CNKSR2: variants seen among roughly 807,000 people sequenced by gnomAD.
The protein encoded by CNKSR2 is CNK homolog protein 2.
In CNKSR2, 14 loss-of-function variants were observed where a neutral mutation model predicts 84.4. That is an observed-to-expected ratio of 0.17 (90% CI 0.11 to 0.26). CNKSR2 has a LOEUF of 0.26. Among genes scored for constraint, CNKSR2 ranks in the 10% least tolerant of loss-of-function variants. The pLI, the probability that CNKSR2 is intolerant of heterozygous loss-of-function variation, is 1.00. For missense variants in CNKSR2, 485 were observed against 771.2 expected, an observed-to-expected ratio of 0.63 and a Z score of 4.40; for synonymous variants, 275 against 277.9, an observed-to-expected ratio of 0.99 and a Z score of 0.10.
chrX:21,495,528 A>G (rs1268161451), intron 6 of CNKSR2: 2 of 109,519 alleles, frequency 1.8e-5, no homozygotes, highest in African/African-American at 3.3e-5. Context: ...TTATGTCTAT[A>G]ATCCCAGCAG....
intron 1 of CNKSR2, among the ~76,000 whole-genome samples, chrX:21,416,769 A>C (rs1159405594): frequency 9.0e-6 from 1 of 111,609 alleles, no homozygotes; most frequent in Non-Finnish European, 1.9e-5. Flanking sequence ...CTGCAGTATC[A>C]AGTGTAATGT....
chrX:21,481,674 A>C (rs200797720), intron 5 of CNKSR2, among the ~76,000 whole-genome samples: 2 of 111,871 alleles, frequency 1.8e-5, no homozygotes, highest in East Asian at 5.6e-4. Context: ...GCCTGACCTT[A>C]TCATGTGAGC....
intron 20 of CNKSR2, among the ~76,000 whole-genome samples, chrX:21,615,831 AC>A (rs1281362073): frequency 1.8e-5 from 2 of 111,441 alleles, no homozygotes; most frequent in Non-Finnish European, 3.8e-5. Context: ...GTTGAACCAT[AC>A]GAAATGTTGC....
At chrX:21,407,376 A>G in intron 1 of CNKSR2, among the ~76,000 whole-genome samples, 1 of 111,772 alleles carries the variant, frequency 8.9e-6, no homozygotes, top group Non-Finnish European at 1.9e-5. Flanking sequence ...AACCTTTGGT[A>G]GTTAAGACAG....
At chrX:21,431,690 C>G (rs2090635815) in intron 2 of CNKSR2, among the ~76,000 whole-genome samples, 1 of 111,831 alleles carries the variant, frequency 8.9e-6, no homozygotes, top group South Asian at 3.7e-4. Context: ...CAATTAGCTG[C>G]TTTACATTTT....
chrX:21,470,995 GA>G, intron 5 of CNKSR2, 188 bp downstream of exon 5: 1 of 201,613 alleles, frequency 5.0e-6, no homozygotes, highest in Non-Finnish European at 9.5e-6. Flanking sequence ...CCTAATAGGA[GA>G]AAAAAGGTAT....
chrX:21,532,436 T>G (rs2147124612), intron 11 of CNKSR2, among the ~76,000 whole-genome samples: 1 of 111,150 alleles, frequency 9.0e-6, no homozygotes, highest in African/African-American at 3.2e-5. Flanking sequence ...ATGACTTATT[T>G]AAAATAAAAT....
chrX:21,429,299 T>C (rs2090604788), intron 2 of CNKSR2: 1 of 112,030 alleles, frequency 8.9e-6, no homozygotes, highest in Non-Finnish European at 1.9e-5. Context: ...GTACATTTCA[T>C]GTATAAGTTT....
intron 18 of CNKSR2, among the ~76,000 whole-genome samples, chrX:21,602,365 T>G (rs1057354722): frequency 2.7e-5 from 3 of 111,624 alleles, no homozygotes; most frequent in Non-Finnish European, 5.6e-5. Context: ...TTTGCCATGT[T>G]GCCCATGCTG....
At chrX:21,378,976 A>G (rs1270854996) in intron 1 of CNKSR2, among the ~76,000 whole-genome samples, 1 of 112,088 alleles carries the variant, frequency 8.9e-6, no homozygotes, top group East Asian at 2.8e-4. Context: ...TCATTTCTTC[A>G]AGAGGCATTC....
At chrX:21,417,196 G>C (rs2090434698) in intron 1 of CNKSR2, among the ~76,000 whole-genome samples, 1 of 111,596 alleles carries the variant, frequency 9.0e-6, no homozygotes, top group South Asian at 3.7e-4. Context: ...GAAATGTATT[G>C]TTCAATTTTC....
At chrX:21,488,707 A>C (rs969559892) in intron 5 of CNKSR2, among the ~76,000 whole-genome samples, 1 of 111,904 alleles carries the variant, frequency 8.9e-6, no homozygotes, top group Non-Finnish European at 1.9e-5. Context: ...GAGAGTTCTT[A>C]TTATCTTGAC....
At chrX:21,544,854 G>T (rs1022206336) in intron 11 of CNKSR2, among the ~76,000 whole-genome samples, 2 of 111,293 alleles carry the variant, frequency 1.8e-5, no homozygotes, top group African/African-American at 6.5e-5. Flanking sequence ...GGTGCATTCC[G>T]GCCCAGATAC....
intron 1 of CNKSR2, among the ~76,000 whole-genome samples, chrX:21,377,904 T>C (rs1267889297): frequency 8.9e-6 from 1 of 111,827 alleles, no homozygotes; most frequent in Non-Finnish European, 1.9e-5. Flanking sequence ...TGATGCAATG[T>C]ATAAATGGAT....
At chrX:21,466,260 G>A (rs2091126337) in intron 4 of CNKSR2, among the ~76,000 whole-genome samples, 1 of 111,179 alleles carries the variant, frequency 9.0e-6, no homozygotes, top group African/African-American at 3.3e-5. Context: ...AGCATGAATA[G>A]GTTTGTAAAG....
Position 21,394,813 on chromosome X carries a change from G to T in CNKSR2, c.64+19852G>T, listed in dbSNP as rs754051324. Among the ~76,000 whole-genome samples the T allele has an allele frequency of 9.8e-5, 11 of 111,893 alleles. No homozygotes were observed. In the East Asian group the frequency reaches 2.5e-3, roughly 25 times the overall value. ...GTGATCAAAATTATTATTAAACACT[G>T]AATCTGTGCAATGAAAATGATAGGT... On this transcript the variant is annotated intron_variant, in intron 1 of 21. Coordinates refer to ENST00000379510, the MANE Select transcript of CNKSR2 (RefSeq NM_014927.5).
intron 12 of CNKSR2, among the ~76,000 whole-genome samples, chrX:21,562,028 G>GAA (rs369034070): frequency 2.0e-5 from 2 of 98,936 alleles, no homozygotes; most frequent in African/African-American, 7.2e-5. Flanking sequence ...TGTAGAAATA[G>GAA]AAAAAAAAAA....
chrX:21,640,052 A>G (rs1392986336), intron 20 of CNKSR2, among the ~76,000 whole-genome samples: 3 of 111,412 alleles, frequency 2.7e-5, no homozygotes, highest in Non-Finnish European at 3.8e-5. Flanking sequence ...TCCCTCCACC[A>G]TCCCTTAGGA....
intron 13 of CNKSR2, among the ~76,000 whole-genome samples, chrX:21,579,600 C>T (rs912522805): frequency 8.9e-5 from 10 of 112,021 alleles, no homozygotes; most frequent in African/African-American, 3.2e-4. Context: ...CAAGAAACAG[C>T]CATATGAAAT....
Sources: allele counts gnomAD v4.1 joint callset (sites outside exome capture counted in the v4.1 genomes callset), GRCh38; gene constraint gnomAD v4.1.1; transcripts MANE v1.5; gene names NCBI Gene and HGNC (gene_info 2026-07-23, HGNC 2026-07-21).